HSPA12A: variants seen among roughly 807,000 people sequenced by gnomAD.
HSPA12A encodes the protein heat shock protein family A (Hsp70) member 12A, also known as heat shock 70 kDa protein 12A.
HSPA12A carries 28 observed loss-of-function variants against 69.2 expected under a neutral mutation model. The ratio of observed to expected loss-of-function variants is 0.40; its 90% CI spans 0.30 to 0.55. The LOEUF is 0.55. Ranked by LOEUF, HSPA12A falls within the 20% of genes least tolerant of loss-of-function variation. HSPA12A has a pLI of 0.38. For missense variants in HSPA12A, 686 were observed against 900.7 expected, an observed-to-expected ratio of 0.76 and a Z score of 3.05; for synonymous variants, 345 against 370.5, an observed-to-expected ratio of 0.93 and a Z score of 0.79.
intron 2 of HSPA12A, among the ~76,000 whole-genome samples, chr10:116,807,618 C>T (rs1370706018): frequency 1.3e-5 from 2 of 152,152 alleles, no homozygotes; most frequent in East Asian, 1.9e-4. Flanking sequence ...GTCAGCGGGT[C>T]GTCCCCATTT....
intron 1 of HSPA12A, among the ~76,000 whole-genome samples, chr10:116,721,779 T>C (rs1477142049): frequency 3.3e-5 from 5 of 152,012 alleles, no homozygotes; most frequent in Admixed American, 3.3e-4. Context: ...GTACATGCTG[T>C]GTTTAGGGGC....
intron 2 of HSPA12A, among the ~76,000 whole-genome samples, chr10:116,803,983 C>G (rs1589716346): frequency 6.6e-6 from 1 of 152,130 alleles, no homozygotes; most frequent in South Asian, 2.1e-4. Flanking sequence ...CCTAAGTACA[C>G]GGAGAAGCAA....
chr10:116,817,673 A>T (rs978755531), intron 2 of HSPA12A, among the ~76,000 whole-genome samples: 1 of 152,184 alleles, frequency 6.6e-6, no homozygotes, highest in African/African-American at 2.4e-5. Context: ...AAAATATTTC[A>T]GGCTTGTCAC....
intron 1 of HSPA12A, chr10:116,708,108 C>G (rs1850315597): frequency 6.6e-6 from 1 of 152,184 alleles, no homozygotes; most frequent in Non-Finnish European, 1.5e-5. Context: ...GGAATGGGCC[C>G]CCCGGGAGAA....
intron 7 of HSPA12A, among the ~76,000 whole-genome samples, chr10:116,682,945 C>T (rs2133369806): frequency 6.7e-6 from 1 of 150,042 alleles, no homozygotes; most frequent in African/African-American, 2.5e-5. Context: ...CCTCGTGATC[C>T]GCCTGCCTCG....
chr10:116,702,162 AGGGAAGG>A (rs1276365054), intron 3 of HSPA12A, among the ~76,000 whole-genome samples: 1 of 151,834 alleles, frequency 6.6e-6, no homozygotes, highest in Non-Finnish European at 1.5e-5. Context: ...AGTGAGAGCA[AGGGAAGG>A]GGGAAGGGGA....
chr10:116,767,161 C>T (rs1844098030), intron 2 of HSPA12A, among the ~76,000 whole-genome samples: 1 of 152,178 alleles, frequency 6.6e-6, no homozygotes, highest in Non-Finnish European at 1.5e-5. Flanking sequence ...GTCTCCTCTC[C>T]TCATTGGCCT....
chr10:116,687,143 G>A (rs782430260), intron 6 of HSPA12A, among the ~76,000 whole-genome samples: 10 of 152,184 alleles, frequency 6.6e-5, no homozygotes, highest in African/African-American at 1.7e-4. Flanking sequence ...GCTGCCCCAA[G>A]TCTGTGGAAA....
intron 5 of HSPA12A, among the ~76,000 whole-genome samples, chr10:116,697,296 C>T (rs1849935563): frequency 6.6e-6 from 1 of 152,196 alleles, no homozygotes; most frequent in Non-Finnish European, 1.5e-5. Context: ...ACCCACTGGT[C>T]TCCATGCCTG....
chr10:116,824,606 C>T (rs1350682704), intron 2 of HSPA12A, among the ~76,000 whole-genome samples: 4 of 152,196 alleles, frequency 2.6e-5, no homozygotes, highest in Non-Finnish European at 4.4e-5. Context: ...GTGGCTCACG[C>T]CTGTAATCCC....
chr10:116,726,748 C>T (rs920059269), intron 1 of HSPA12A, among the ~76,000 whole-genome samples: 1 of 152,190 alleles, frequency 6.6e-6, no homozygotes, highest in Non-Finnish European at 1.5e-5. Context: ...GGTGTGCTGT[C>T]GGGCTCACTG....
At chr10:116,850,217 C>G (rs1452220947), upstream of HSPA12A, 1 of 221,078 alleles carries the variant, frequency 4.5e-6, no homozygotes, top group South Asian at 5.5e-5. Flanking sequence ...GCTCCTCTGC[C>G]GGGATGCCAG....
At chr10:116,779,062 TAG>T (rs1189097792) in intron 2 of HSPA12A, among the ~76,000 whole-genome samples, 2 of 152,218 alleles carry the variant, frequency 1.3e-5, no homozygotes, top group African/African-American at 4.8e-5. Context: ...CCTTTCAAGT[TAG>T]GCAACAAAAC....
At chr10:116,702,063 C>G (rs571186899) in intron 3 of HSPA12A, among the ~76,000 whole-genome samples, 9 of 152,020 alleles carry the variant, frequency 5.9e-5, no homozygotes, top group African/African-American at 2.2e-4. Context: ...GAGCTATGAT[C>G]GCATCACTGC....
At position 116,742,473 on chromosome 10, in the gene HSPA12A, C is replaced by A. The variant is rs1851545074; in HGVS notation, c.-4G>T. ...CGCCGGCCTCCTTGTCCGCCATGGT[C>A]GCGCAGCCCCGGACCGCGAGGGGAG... On this transcript the variant is annotated 5_prime_UTR_variant, in exon 1 of 12. Transcript: ENST00000369209. 4.3e-6 allele frequency: 6 copies of A among 1,387,720 alleles called. No homozygotes were observed. The Middle Eastern group carries it at 8.0e-4, about 185-fold the overall frequency. The allele number at this position is 1,387,720 out of a possible 1,614,324, so 86.0% of individuals were successfully genotyped here.
chr10:116,675,531 G>T lies in HSPA12A; in HGVS notation c.1391-113C>A. 2 of 1,136,006 alleles carry T rather than the reference G, an allele frequency of 1.8e-6. No homozygotes were observed. The highest frequency in any genetic ancestry group is 1.6e-5 in the African/African-American group (1 of 63,482). The allele number at this position is 1,136,006 out of a possible 1,614,324, so 70.4% of individuals were successfully genotyped here. ...ATAAAGCCACTTGGGCCACTGGGAG[G>T]GCAGGCTTACTCTGAGCTCCTTGAA... On this transcript the variant is annotated intron_variant, in intron 11 of 11. Transcript: ENST00000369209. The surrounding 1 kb of genome is among the most constrained non-coding windows in gnomAD (Gnocchi z 5.2).
At chr10:116,824,156 T>C (rs895802955) in intron 2 of HSPA12A, among the ~76,000 whole-genome samples, 10 of 152,202 alleles carry the variant, frequency 6.6e-5, no homozygotes, top group African/African-American at 2.4e-4. Flanking sequence ...TCTGAAAAGA[T>C]GCCAGCATCA....
chr10:116,793,167 C>T (rs1466486238), intron 2 of HSPA12A, among the ~76,000 whole-genome samples: 1 of 152,180 alleles, frequency 6.6e-6, no homozygotes, highest in African/African-American at 2.4e-5. Flanking sequence ...ATAAAGGAAA[C>T]TCTAAAGGAT....
chr10:116,717,731 A>C (rs1437811691), intron 1 of HSPA12A, among the ~76,000 whole-genome samples: 1 of 152,208 alleles, frequency 6.6e-6, no homozygotes, highest in African/African-American at 2.4e-5. Context: ...GTGTGCTTAC[A>C]CAATGACACA....
Sources: allele counts gnomAD v4.1 joint callset (sites outside exome capture counted in the v4.1 genomes callset), GRCh38; gene constraint gnomAD v4.1.1; non-coding constraint Gnocchi (gnomAD v3.1); transcripts MANE v1.5; gene names NCBI Gene and HGNC (gene_info 2026-07-23, HGNC 2026-07-21).